Variants in VTI1A observed in about 807,000 individuals in gnomAD.
VTI1A encodes vesicle transport through interaction with t-SNAREs homolog 1A.
VTI1A carries 22 observed loss-of-function variants against 34.9 expected under a neutral mutation model. The ratio of observed to expected loss-of-function variants is 0.63; its 90% CI spans 0.45 to 0.90. The LOEUF (loss-of-function observed/expected upper bound fraction) is 0.90. Among genes scored for constraint, VTI1A ranks in the 40% least tolerant of loss-of-function variants. VTI1A has a pLI of 0.00. For synonymous variants in VTI1A, 87 were observed against 97.3 expected (o/e 0.89, Z 0.62); for missense variants, 268 against 275.6 (o/e 0.97, Z 0.20).
At chr10:112,734,114 C>G (rs1312568256) in intron 7 of VTI1A, among the ~76,000 whole-genome samples, 1 of 152,112 alleles carries the variant, frequency 6.6e-6, no homozygotes, top group Non-Finnish European at 1.5e-5. Context: ...GTTTGTCTTT[C>G]TCAAACGCAG....
At chr10:112,761,935 TAAAG>T (rs1415661395) in intron 7 of VTI1A, among the ~76,000 whole-genome samples, 1 of 152,180 alleles carries the variant, frequency 6.6e-6, no homozygotes, top group Non-Finnish European at 1.5e-5. Flanking sequence ...TCTGAGTAAA[TAAAG>T]TCTTTTACAG....
chr10:112,628,045 C>T (rs1845990261), intron 5 of VTI1A, among the ~76,000 whole-genome samples: 2 of 152,040 alleles, frequency 1.3e-5, no homozygotes, highest in Non-Finnish European at 2.9e-5. Flanking sequence ...CAAAACCACA[C>T]GTTTTTCTTT....
In VTI1A at chr10:112,674,723, A is replaced by G. The variant is rs150974904; in HGVS notation, c.560+5725A>G. Among the ~76,000 whole-genome samples the G allele has an allele frequency of 1.7e-4, 26 of 152,310 alleles. 1 individual carries two copies. Among genetic ancestry groups the G allele is most frequent in the African/African-American group, 6.0e-4 (25 of 41,588 alleles). On this transcript the variant is annotated intron_variant, in intron 7 of 7. Coordinates refer to ENST00000393077, the MANE Select transcript of VTI1A (RefSeq NM_145206.4). Reference sequence around the variant, plus strand: ...GGAGGCATCACTATCCCCCTTTTACAGGTGAGGCAAACTGTGCTTAGTGAA... The same window carrying G: ...GGAGGCATCACTATCCCCCTTTTACGGGTGAGGCAAACTGTGCTTAGTGAA...
the VTI1A span, among the ~76,000 whole-genome samples, chr10:112,838,724 C>T: frequency 6.6e-6 from 1 of 152,182 alleles, no homozygotes. Context: ...GCCTCGGTCA[C>T]CGGGCAGCTC....
intron 7 of VTI1A, among the ~76,000 whole-genome samples, chr10:112,673,421 A>G (rs1161378081): frequency 6.6e-6 from 1 of 151,916 alleles, no homozygotes; most frequent in Non-Finnish European, 1.5e-5. Context: ...TCTCTCCCCG[A>G]CACTACCTAT....
chr10:112,649,430 C>T (rs1846925395), intron 5 of VTI1A, among the ~76,000 whole-genome samples: 1 of 152,116 alleles, frequency 6.6e-6, no homozygotes. Context: ...CAAATAATAT[C>T]AATCTAGTGC....
chr10:112,592,908 T>C (rs900401036), intron 5 of VTI1A, among the ~76,000 whole-genome samples: 2 of 152,194 alleles, frequency 1.3e-5, no homozygotes, highest in African/African-American at 4.8e-5. Context: ...GAAAGTGATA[T>C]GGTGCTGTGA....
intron 3 of VTI1A, among the ~76,000 whole-genome samples, chr10:112,474,277 T>C (rs1848203444): frequency 6.6e-6 from 1 of 152,018 alleles, no homozygotes; most frequent in African/African-American, 2.4e-5. Flanking sequence ...GTGGTCTCGA[T>C]CTCCTGACCT....
intron 3 of VTI1A, among the ~76,000 whole-genome samples, chr10:112,488,672 C>T (rs1397727149): frequency 6.6e-6 from 1 of 152,168 alleles, no homozygotes; most frequent in African/African-American, 2.4e-5. Context: ...TCATGCAGGA[C>T]TCTGGCTTCC....
chr10:112,638,667 C>T (rs539144456), intron 5 of VTI1A, among the ~76,000 whole-genome samples: 1 of 151,640 alleles, frequency 6.6e-6, no homozygotes, highest in African/African-American at 2.4e-5. Context: ...ATAGATTCAG[C>T]TCTCATAGTT....
At chr10:112,749,903 G>A (rs1304348458) in intron 7 of VTI1A, among the ~76,000 whole-genome samples, 3 of 152,170 alleles carry the variant, frequency 2.0e-5, no homozygotes, top group Admixed American at 6.5e-5. Flanking sequence ...CTATATAGCT[G>A]TTAAGTGAAC....
At chr10:112,640,561 C>A (rs534388907) in intron 5 of VTI1A, among the ~76,000 whole-genome samples, 118 of 150,646 alleles carry the variant, frequency 7.8e-4, no homozygotes, top group East Asian at 5.5e-3. Context: ...ACAACAACAA[C>A]AAAAAAAAAC....
intron 7 of VTI1A, among the ~76,000 whole-genome samples, chr10:112,736,107 G>GTATATATATATATATATATATA (rs1468293852): frequency 3.0e-5 from 3 of 100,842 alleles, no homozygotes; most frequent in Admixed American, 9.2e-5. Context: ...ATATATGTGT[G>GTATATATATATATATATATATA]TGTGTATATA....
intron 7 of VTI1A, among the ~76,000 whole-genome samples, chr10:112,753,216 C>A (rs941656936): frequency 2.6e-5 from 4 of 151,528 alleles, no homozygotes; most frequent in African/African-American, 4.8e-5. Flanking sequence ...AAAAATAATC[C>A]TTTGCCAGGT....
At chr10:112,815,133 G>A (rs534032709) in intron 7 of VTI1A, among the ~76,000 whole-genome samples, 157 bp from the exon 8 acceptor site, 89 of 90,434 alleles carry the variant, frequency 9.8e-4, no homozygotes, top group African/African-American at 3.4e-3. Context: ...TGTCTCTTTC[G>A]CGCGCGCACA....
chr10:112,613,840 C>T (rs77015135), intron 5 of VTI1A, among the ~76,000 whole-genome samples: 8,016 of 152,278 alleles, frequency 0.053, 247 homozygotes, highest in Middle Eastern at 0.12. Flanking sequence ...CAGCTTCAGT[C>T]GGAGCTTGGG....
intron 7 of VTI1A, among the ~76,000 whole-genome samples, chr10:112,779,368 A>G (rs1330535567): frequency 1.3e-5 from 2 of 152,216 alleles, no homozygotes; most frequent in African/African-American, 4.8e-5. Flanking sequence ...TTTTAAGAGG[A>G]GACTAGATTT....
chr10:112,734,304 G>A (rs184533876), intron 7 of VTI1A, among the ~76,000 whole-genome samples: 7 of 152,114 alleles, frequency 4.6e-5, no homozygotes, highest in Admixed American at 2.6e-4. Context: ...TAGACTGTTC[G>A]GGGGTCTCTG....
intron 5 of VTI1A, among the ~76,000 whole-genome samples, chr10:112,624,259 T>G (rs569773314): frequency 6.6e-6 from 1 of 152,292 alleles, no homozygotes; most frequent in South Asian, 2.1e-4. Flanking sequence ...GCAGGGCAGT[T>G]TGAGCCCCAT....
Sources: allele counts gnomAD v4.1 joint callset (sites outside exome capture counted in the v4.1 genomes callset), GRCh38; gene constraint gnomAD v4.1.1; transcripts MANE v1.5; gene names NCBI Gene and HGNC (gene_info 2026-07-23, HGNC 2026-07-21).